MGA: variants seen among roughly 807,000 people sequenced by gnomAD.
MGA encodes the protein MAX dimerization protein MGA, also known as MAX gene-associated protein.
Under a neutral mutation model 261.1 loss-of-function variants are expected in MGA, and 40 were observed. That is an observed-to-expected ratio of 0.15 (90% CI 0.12 to 0.20). The LOEUF (loss-of-function observed/expected upper bound fraction) is 0.20. Ranked by LOEUF, MGA falls within the 10% of genes least tolerant of loss-of-function variation. The probability of loss-of-function intolerance (pLI) is 1.00; values close to 1 mark genes in which losing one functional copy is unlikely to be tolerated. For missense variants in MGA, 3,397 were observed against 3,630.5 expected (o/e 0.94, Z 1.65); for synonymous variants, 1,302 against 1,290.6 (o/e 1.01, Z -0.19).
intron 9 of MGA, among the ~76,000 whole-genome samples, chr15:41,724,883 C>A (rs2061146795): frequency 6.6e-6 from 1 of 151,960 alleles, no homozygotes; most frequent in Admixed American, 6.6e-5. Context: ...ACCTCAGGAG[C>A]CCCTTAGACA....
chr15:41,641,311 G>A (rs1274798016), intron 1 of MGA, among the ~76,000 whole-genome samples: 1 of 151,770 alleles, frequency 6.6e-6, no homozygotes, highest in Non-Finnish European at 1.5e-5. Context: ...GACTTTTTTT[G>A]TATAAACTTA....
chr15:41,750,173 C>T lies in MGA; in HGVS notation c.6566C>T (p.Ala2189Val), dbSNP rs1228539729. The T allele has an allele frequency of 6.2e-7, 1 of 1,613,872 alleles. No homozygotes were observed. The highest frequency in any genetic ancestry group is 1.3e-5 in the African/African-American group (1 of 75,030). ...CCCTTAACCAGGAAATGTGTTGGAG[C>T]TTCACAGGAATGTAAGAAAGAGGCA... Residue 2189 changes from alanine to valine, a missense_variant, in exon 17 of 24, where the codon GCT becomes GTT. By Grantham distance (64) the Ala-to-Val change is moderately conservative. Around this residue, in one of 9 missense-constraint regions of MGA, gnomAD observed 1,410 missense variants for 1,386.4 expected, o/e 1.02. Transcript: ENST00000219905.
chr15:41,743,782 C>T (rs2062256692), intron 15 of MGA, among the ~76,000 whole-genome samples: 1 of 152,136 alleles, frequency 6.6e-6, no homozygotes, highest in Non-Finnish European at 1.5e-5. Flanking sequence ...TGGACATGAA[C>T]TGATTGAAAT....
At chr15:41,702,148 C>T (rs966609527) in intron 5 of MGA, among the ~76,000 whole-genome samples, 15 of 151,972 alleles carry the variant, frequency 9.9e-5, no homozygotes, top group Admixed American at 3.9e-4. Flanking sequence ...GGCGAAACTC[C>T]GTCTCTACTA....
At chr15:41,683,924 A>G (rs1339187157) in intron 2 of MGA, among the ~76,000 whole-genome samples, 1 of 151,946 alleles carries the variant, frequency 6.6e-6, no homozygotes, top group African/African-American at 2.4e-5. Flanking sequence ...TTTTTAAAAA[A>G]AATTATTTTT....
rs1475137480 is a variant in MGA, at chr15:41,734,497, A to G, written c.3844-25A>G. The G allele has an allele frequency of 1.9e-6, 3 of 1,571,982 alleles. No homozygotes were observed. In the South Asian group the frequency reaches 3.5e-5, roughly 18 times the overall value. ...TATTGAATATATGTTAAGTTAAAGT[A>G]TTTCTGTGTTACTGTCTCCTTCAGG... On this transcript the variant is annotated intron_variant, in intron 11 of 23. Coordinates refer to ENST00000219905, the MANE Select transcript of MGA (RefSeq NM_001164273.2).
At chr15:41,739,506 G>T (rs2061974603) in intron 13 of MGA, among the ~76,000 whole-genome samples, 1 of 152,086 alleles carries the variant, frequency 6.6e-6, no homozygotes, top group African/African-American at 2.4e-5. Context: ...ATGTCTCTCT[G>T]GTCTTATCAG....
At chr15:41,703,233 A>AT (rs2059936463) in intron 5 of MGA, among the ~76,000 whole-genome samples, 1 of 152,046 alleles carries the variant, frequency 6.6e-6, no homozygotes, top group Admixed American at 6.6e-5. Flanking sequence ...AGAGTCAGGT[A>AT]TTTTTATAGA....
intron 23 of MGA, among the ~76,000 whole-genome samples, chr15:41,765,630 C>A (rs191763256): frequency 1.3e-5 from 2 of 152,342 alleles, no homozygotes; most frequent in East Asian, 3.9e-4. Flanking sequence ...CTGGAGGACT[C>A]ATCTTTCCTG....
At position 41,766,348 on chromosome 15, in the gene MGA, T is replaced by C; in HGVS notation, c.8266T>C (p.Tyr2756His). ...TTCTGGTGATATGAGAGGGATTCAG[T>C]ATAAATGGAAAGAGAGTGAATCAAG... The change falls in exon 24 of 24, where the codon TAT (tyrosine) becomes CAT (histidine). Residue 2756 changes from tyrosine to histidine, a missense_variant. Coordinates refer to ENST00000219905, the MANE Select transcript of MGA (RefSeq NM_001164273.2). The C allele has an allele frequency of 6.2e-7, 1 of 1,613,888 alleles. No homozygotes were observed. The highest frequency in any genetic ancestry group is 1.3e-5 in the African/African-American group (1 of 75,032).
chr15:41,664,269 T>C (rs1218761700), intron 1 of MGA, among the ~76,000 whole-genome samples: 1 of 152,210 alleles, frequency 6.6e-6, no homozygotes, highest in East Asian at 1.9e-4. Context: ...AATATTTTGC[T>C]TCGGCAGAAA....
rs150083719 is a variant in MGA, at chr15:41,641,318, C to T, written c.-68+20020C>T. 2.0e-5 allele frequency among the ~76,000 whole-genome samples: 3 copies of T among 151,876 alleles called. No homozygotes were observed. The South Asian group carries it at 6.2e-4, about 31-fold the overall frequency. On this transcript the variant is annotated intron_variant, in intron 1 of 8. Coordinates refer to the MGA transcript ENST00000566718. The stretch of plus-strand genomic sequence containing the variant: ...CATTAATGGACTTTTTTTGTATAAA[C>T]TTATGTTTTTATTTTTCTTGGGTAT...
chr15:41,695,557 G>A (rs752841191), intron 2 of MGA, among the ~76,000 whole-genome samples: 1 of 152,168 alleles, frequency 6.6e-6, no homozygotes, highest in Non-Finnish European at 1.5e-5. Flanking sequence ...ATGATTGGGA[G>A]GAGGGGGAAA....
chr15:41,711,946 T>C (rs1595827051), intron 8 of MGA, among the ~76,000 whole-genome samples: 1 of 152,094 alleles, frequency 6.6e-6, no homozygotes, highest in East Asian at 1.9e-4. Context: ...TCCACCTGTC[T>C]CACCTCACAA....
chr15:41,656,323 T>G (rs1213848333), upstream of MGA, among the ~76,000 whole-genome samples: 1 of 115,224 alleles, frequency 8.7e-6, no homozygotes, highest in Admixed American at 9.6e-5. Context: ...GGTGTTTCTT[T>G]CTCTCTCTCC....
At chr15:41,650,812 G>A (rs1360979532) in intron 1 of MGA, among the ~76,000 whole-genome samples, 1 of 152,162 alleles carries the variant, frequency 6.6e-6, no homozygotes, top group African/African-American at 2.4e-5. Context: ...TCAAAAGAGT[G>A]AATATGTATC....
intron 1 of MGA, among the ~76,000 whole-genome samples, chr15:41,633,599 T>A (rs2056638722): frequency 6.6e-6 from 1 of 152,156 alleles, no homozygotes; most frequent in Admixed American, 6.5e-5. Flanking sequence ...ATTTCTGTAT[T>A]TTTAGTAGAG....
intron 1 of MGA, among the ~76,000 whole-genome samples, chr15:41,623,919 C>G (rs952062762): frequency 6.6e-6 from 1 of 151,652 alleles, no homozygotes; most frequent in African/African-American, 2.4e-5. Context: ...GTGTCTCCCA[C>G]TACACCTGGC....
At chr15:41,646,152 A>C (rs1042763423) in intron 1 of MGA, among the ~76,000 whole-genome samples, 1 of 152,092 alleles carries the variant, frequency 6.6e-6, no homozygotes, top group Non-Finnish European at 1.5e-5. Context: ...CTGGATATAC[A>C]ATTCTTTGGC....
Sources: allele counts gnomAD v4.1 joint callset (sites outside exome capture counted in the v4.1 genomes callset), GRCh38; gene constraint gnomAD v4.1.1; regional missense constraint gnomAD v4.1.1; transcripts MANE v1.5; gene names NCBI Gene and HGNC (gene_info 2026-07-23, HGNC 2026-07-21).